Variants in RBM43 observed in about 807,000 individuals in gnomAD.
The protein encoded by RBM43 is RNA binding motif protein 43.
A neutral mutation model predicts 12.4 loss-of-function variants in RBM43; 12 were observed. That is an observed-to-expected ratio of 0.97 (90% CI 0.62 to 1.57). The LOEUF is 1.57. Ranked by LOEUF, RBM43 falls within the 40% of genes most tolerant of loss-of-function variation. The pLI is 0.00. For synonymous variants in RBM43, 138 were observed against 145.7 expected, an observed-to-expected ratio of 0.95 and a Z score of 0.38; for missense variants, 348 against 400.1, an observed-to-expected ratio of 0.87 and a Z score of 1.11.
At chr2:151,253,308 T>A (rs1682930447) in intron 2 of RBM43, among the ~76,000 whole-genome samples, 1 of 152,098 alleles carries the variant, frequency 6.6e-6, no homozygotes, top group Admixed American at 6.5e-5. Flanking sequence ...CTGTACCCCA[T>A]CCCCTGGGTG....
At chr2:151,260,984 A>T in intron 1 of RBM43, 1 of 383,418 alleles carries the variant, frequency 2.6e-6, no homozygotes, top group South Asian at 2.6e-5. Context: ...CATTGACTGC[A>T]TTTGTTTATA....
intron 1 of RBM43, chr2:151,261,142 A>G: frequency 7.9e-7 from 1 of 1,267,712 alleles, no homozygotes; most frequent in Non-Finnish European, 1.1e-6. Flanking sequence ...TAAGCGATTG[A>G]TGGAAACAAA....
At chr2:151,252,978 A>G (rs1000315632) in intron 2 of RBM43, 123 bp from the exon 3 acceptor site, 3 of 539,910 alleles carry the variant, frequency 5.6e-6, no homozygotes, top group African/African-American at 3.8e-5. Context: ...TTTCCTCTAA[A>G]TTCAACATTC....
intron 2 of RBM43, among the ~76,000 whole-genome samples, chr2:151,253,234 C>T (rs1326907920): frequency 3.3e-5 from 5 of 152,182 alleles, no homozygotes; most frequent in African/African-American, 1.2e-4. Context: ...CCTAATCCTC[C>T]TCTCTTCCCA....
chr2:151,258,379 T>C (rs1374966609), intron 1 of RBM43, among the ~76,000 whole-genome samples: 1 of 149,286 alleles, frequency 6.7e-6, no homozygotes, highest in African/African-American at 2.5e-5. Flanking sequence ...AGGATTATTT[T>C]ACTTTAAAAA....
intron 1 of RBM43, among the ~76,000 whole-genome samples, chr2:151,258,633 C>G (rs954953828): frequency 6.6e-6 from 1 of 151,880 alleles, no homozygotes; most frequent in Non-Finnish European, 1.5e-5. Flanking sequence ...CACAGGAGAT[C>G]GAGGCTGCAG....
Position 151,250,986 on chromosome 2 carries a change from T to C in RBM43, c.994A>G (p.Ile332Val). 7.4e-6 allele frequency: 12 copies of C among 1,613,216 alleles called. No homozygotes were observed. The highest frequency in any genetic ancestry group is 1.1e-5 in the South Asian group (1 of 91,030). The change falls in exon 4 of 4, where the codon ATT (isoleucine) becomes GTT (valine). Residue 332 changes from isoleucine (I) to valine (V), a missense_variant. Ile to Val is a conservative substitution (Grantham distance 29, BLOSUM62 3). Coordinates refer to ENST00000331426, the MANE Select transcript of RBM43 (RefSeq NM_198557.3). ...TCAGAAGAAGATCCTATAATGTCAA[T>C]GTGTGTCCTATAAAGGTTAATCAGG... ...EVLINLYRTH[I>V]DIIGSSSDTY...
rs1341222847 is a variant in RBM43, at chr2:151,248,592, G to A, written c.*2314C>T. On this transcript the variant is annotated 3_prime_UTR_variant, in exon 4 of 4. Transcript: ENST00000331426. ...TTTTTTTTAGCCTCAAGATATCAAT[G>A]AAATATGCATATCTTATTTGGAGTG... 1 of 152,024 alleles carries A rather than the reference G, an allele frequency of 6.6e-6. No homozygotes were observed. The highest frequency in any genetic ancestry group is 1.5e-5 in the Non-Finnish European group (1 of 67,990). The allele number at this position is 152,024 out of a possible 1,614,324, so 9.4% of individuals were successfully genotyped here. A position where few individuals can be genotyped will look rare whatever the true frequency, so the allele number is the denominator to read the frequency against.
intron 2 of RBM43, among the ~76,000 whole-genome samples, chr2:151,254,029 CTTT>C (rs1382712157): frequency 6.6e-6 from 1 of 152,120 alleles, no homozygotes; most frequent in Non-Finnish European, 1.5e-5. Context: ...CTTTATTCTT[CTTT>C]ATGTCTTGTC....
At chr2:151,254,307 T>TTC (rs1212678987) in intron 2 of RBM43, among the ~76,000 whole-genome samples, 7 of 99,068 alleles carry the variant, frequency 7.1e-5, no homozygotes, top group Non-Finnish European at 1.5e-4. Context: ...CTCTCTCTCT[T>TTC]TCTCTCTCTC....
rs1682885917 is a variant in RBM43 at position 151,250,616 on chromosome 2, A to T, written c.*290T>A. On this transcript the variant is annotated 3_prime_UTR_variant, in exon 4 of 4. Coordinates refer to ENST00000331426, the MANE Select transcript of RBM43 (RefSeq NM_198557.3). The stretch of plus-strand genomic sequence containing the variant: ...TCCATCTCAAAAAAAAAAAAAAAAA[A>T]GTTTGGTGAGTTTTTTTCAAAGTTT... 9.1e-6 allele frequency: 2 copies of T among 219,774 alleles called. No individual in the cohort carries two copies. Among genetic ancestry groups the T allele is most frequent in the Non-Finnish European group, 1.8e-5 (2 of 113,584 alleles). 13.6% of individuals were successfully genotyped at this position (219,774 alleles called of 1,614,324 possible). A position where few individuals can be genotyped will look rare whatever the true frequency, so the allele number is the denominator to read the frequency against.
At chr2:151,252,343 G>A (rs1573732820) in intron 3 of RBM43, among the ~76,000 whole-genome samples, 1 of 151,802 alleles carries the variant, frequency 6.6e-6, no homozygotes, top group African/African-American at 2.4e-5. Context: ...GGCAACATAG[G>A]GACACCCTGT....
At chr2:151,252,245 G>A (rs1017767463) in intron 3 of RBM43, among the ~76,000 whole-genome samples, 2 of 152,138 alleles carry the variant, frequency 1.3e-5, no homozygotes, top group Non-Finnish European at 2.9e-5. Flanking sequence ...AAGTGAGGCT[G>A]GGCGTGGTGG....
chr2:151,254,811 T>A (rs2105190984), intron 2 of RBM43, among the ~76,000 whole-genome samples: 1 of 151,200 alleles, frequency 6.6e-6, no homozygotes, highest in Non-Finnish European at 1.5e-5. Context: ...ATAAGGCAGA[T>A]ACTATATTAG....
At chr2:151,261,642 C>G in intron 1 of RBM43, 83 bp downstream of exon 1, 1 of 1,556,120 alleles carries the variant, frequency 6.4e-7, no homozygotes. Flanking sequence ...CCCGTCGCGC[C>G]CGGTTCCGCG....
chr2:151,261,572 C>T, intron 1 of RBM43, 153 bp downstream of exon 1: 7 of 1,539,990 alleles, frequency 4.5e-6, no homozygotes, highest in Non-Finnish European at 6.1e-6. Context: ...TCTCCGGGGC[C>T]CCCGGGGTCC....
At chr2:151,254,287 A>ATCTATCTCTCTCTC (rs146039442) in intron 2 of RBM43, among the ~76,000 whole-genome samples, 11 of 149,506 alleles carry the variant, frequency 7.4e-5, no homozygotes, top group African/African-American at 2.4e-4. Context: ...ACCGAGGCCA[A>ATCTATCTCTCTCTC]TCTCTCTCTC....
In RBM43 at chr2:151,259,163, G is replaced by C. The variant is rs554335180; in HGVS notation, c.3+2562C>G. On this transcript the variant is annotated intron_variant, in intron 1 of 3. Coordinates refer to ENST00000331426, the MANE Select transcript of RBM43 (RefSeq NM_198557.3). ...CAAAAAAAAAAAGGAAGAAAGAAAG[G>C]AAAGAAAGAAAGAAAATCCATTTGA... Among the ~76,000 whole-genome samples the C allele has an allele frequency of 6.0e-5, 9 of 150,754 alleles. No individual in the cohort carries two copies. In the South Asian group the frequency reaches 1.9e-3, roughly 32 times the overall value.
chr2:151,250,875 C>A lies in RBM43; in HGVS notation c.*31G>T. On this transcript the variant is annotated 3_prime_UTR_variant, in exon 4 of 4. Coordinates refer to ENST00000331426, the MANE Select transcript of RBM43 (RefSeq NM_198557.3). ...ATGGTCACTGCTCAGCAAGAGAAAG[C>A]AGCCCTTATGACTATATTGCTGAGA... 2 of 1,508,994 alleles carry A rather than the reference C, an allele frequency of 1.3e-6. No individual in the cohort carries two copies. Among genetic ancestry groups the A allele is most frequent in the South Asian group, 2.6e-5 (2 of 76,702 alleles). The allele number at this position is 1,508,994 out of a possible 1,614,324, so 93.5% of individuals were successfully genotyped here. A position where few individuals can be genotyped will look rare whatever the true frequency, so the allele number is the denominator to read the frequency against.
Sources: allele counts gnomAD v4.1 joint callset (sites outside exome capture counted in the v4.1 genomes callset), GRCh38; gene constraint gnomAD v4.1.1; transcripts MANE v1.5; gene names NCBI Gene and HGNC (gene_info 2026-07-23, HGNC 2026-07-21).